Variants in CTIF observed in about 807,000 individuals in gnomAD.
The protein encoded by CTIF is CBP80/20-dependent translation initiation factor.
In CTIF, 21 loss-of-function variants were observed where a neutral mutation model predicts 66.0. That is an observed-to-expected ratio of 0.32 (90% confidence interval 0.23 to 0.46). The LOEUF is 0.46. Among genes scored for constraint, CTIF ranks in the 20% least tolerant of loss-of-function variants. The pLI is 1.00. For synonymous variants in CTIF, 345 were observed against 326.4 expected (o/e 1.06, Z -0.62); for missense variants, 739 against 812.7 (o/e 0.91, Z 1.10).
chr18:48,556,252 A>G (rs1343511991), intron 1 of CTIF, among the ~76,000 whole-genome samples: 1 of 152,226 alleles, frequency 6.6e-6, no homozygotes, highest in Non-Finnish European at 1.5e-5. Context: ...AGGTGGGGGC[A>G]TCACTGTGGA....
At chr18:48,544,211 G>A (rs936971773) in intron 1 of CTIF, among the ~76,000 whole-genome samples, 7 of 152,320 alleles carry the variant, frequency 4.6e-5, no homozygotes, top group East Asian at 3.9e-4. Context: ...ACTTTAATAC[G>A]CTGCACTTGA....
chr18:48,681,411 C>T (rs916995953), intron 6 of CTIF, among the ~76,000 whole-genome samples: 3 of 151,820 alleles, frequency 2.0e-5, no homozygotes, highest in African/African-American at 7.3e-5. Flanking sequence ...GAGTGGGGCC[C>T]CCAGCTGGAT....
intron 7 of CTIF, among the ~76,000 whole-genome samples, chr18:48,717,406 T>A (rs1282719802): frequency 9.0e-5 from 10 of 110,708 alleles, no homozygotes; most frequent in Non-Finnish European, 1.6e-4. Flanking sequence ...CTTTAAAAAA[T>A]AAATAAATAA....
At chr18:48,757,817 A>G (rs772652260) in intron 7 of CTIF, 102 bp from the exon 8 acceptor site, 1 of 1,432,394 alleles carries the variant, frequency 7.0e-7, no homozygotes, top group South Asian at 1.3e-5. Flanking sequence ...AAGAATGAAT[A>G]TATGGACAAG....
At chr18:48,794,160 G>A (rs2067856629) in intron 9 of CTIF, among the ~76,000 whole-genome samples, 1 of 152,242 alleles carries the variant, frequency 6.6e-6, no homozygotes, top group Non-Finnish European at 1.5e-5. Flanking sequence ...CCCCATTCTA[G>A]CCCCCAGCTT....
chr18:48,561,168 G>T (rs574732519), intron 1 of CTIF, among the ~76,000 whole-genome samples: 1 of 150,542 alleles, frequency 6.6e-6, no homozygotes, highest in East Asian at 2.0e-4. Context: ...AACCTGGCGT[G>T]TGGAGGTTGC....
intron 3 of CTIF, among the ~76,000 whole-genome samples, chr18:48,651,393 A>G (rs2091153757): frequency 6.6e-6 from 1 of 152,238 alleles, no homozygotes; most frequent in South Asian, 2.1e-4. Context: ...CAAAAGAGAC[A>G]AAGAAGGCCA....
intron 9 of CTIF, among the ~76,000 whole-genome samples, chr18:48,776,560 C>T (rs1416617662): frequency 1.3e-5 from 2 of 152,262 alleles, no homozygotes; most frequent in Non-Finnish European, 1.5e-5. Context: ...CTAATGTCAC[C>T]GTCTGAGCCT....
chr18:48,717,613 A>C (rs112622477), intron 7 of CTIF, among the ~76,000 whole-genome samples: 1 of 152,060 alleles, frequency 6.6e-6, no homozygotes, highest in African/African-American at 2.4e-5. Context: ...GCACTCAATT[A>C]TATACTTTAA....
At chr18:48,635,007 T>A (rs1011265923) in intron 2 of CTIF, among the ~76,000 whole-genome samples, 9 of 152,248 alleles carry the variant, frequency 5.9e-5, no homozygotes, top group South Asian at 4.1e-4. Context: ...TTTACCTGTT[T>A]CTTTTAAAAA....
intron 1 of CTIF, among the ~76,000 whole-genome samples, chr18:48,580,813 C>T (rs925824915): frequency 3.3e-5 from 5 of 152,228 alleles, no homozygotes; most frequent in South Asian, 2.1e-4. Flanking sequence ...CCACTCCCAC[C>T]TCAAGGATTA....
At chr18:48,699,043 C>A (rs2092046755) in intron 6 of CTIF, among the ~76,000 whole-genome samples, 1 of 152,140 alleles carries the variant, frequency 6.6e-6, no homozygotes, top group African/African-American at 2.4e-5. Context: ...GCTGAGCTGC[C>A]CCTGCTGGTT....
chr18:48,837,124 C>T lies in CTIF; in HGVS notation c.1527+19748C>T, dbSNP rs1175123246. On this transcript the variant is annotated intron_variant, in intron 10 of 11. Coordinates refer to ENST00000256413, the MANE Select transcript of CTIF (RefSeq NM_014772.3). ...GGACCTCATCTTTCTCCTCCTGGCT[C>T]CCATCCAATGCCCAGGGGCTGGGGG... Among the ~76,000 whole-genome samples, 5 of 152,300 alleles carry T rather than the reference C, an allele frequency of 3.3e-5. No homozygotes were observed. The East Asian group carries it at 9.6e-4, about 29-fold the overall frequency.
intron 7 of CTIF, among the ~76,000 whole-genome samples, chr18:48,730,754 T>TTCCGTGGTG (rs2092449508): frequency 8.5e-6 from 1 of 117,520 alleles, no homozygotes; most frequent in African/African-American, 3.5e-5. Flanking sequence ...CCCCCGCAGC[T>TTCCGTGGTG]TGAGGGGCCC....
chr18:48,586,061 C>A (rs759896677), intron 1 of CTIF, among the ~76,000 whole-genome samples: 1 of 152,128 alleles, frequency 6.6e-6, no homozygotes, highest in Non-Finnish European at 1.5e-5. Context: ...GGGGTGGTGG[C>A]CTCTGCCCTC....
At chr18:48,812,624 T>C (rs1599093064) in intron 9 of CTIF, among the ~76,000 whole-genome samples, 1 of 152,068 alleles carries the variant, frequency 6.6e-6, no homozygotes, top group Non-Finnish European at 1.5e-5. Flanking sequence ...CATAGTGTTA[T>C]ATGCCTGTAG....
chr18:48,584,204 G>A (rs1177083616), intron 1 of CTIF, among the ~76,000 whole-genome samples: 3 of 152,144 alleles, frequency 2.0e-5, no homozygotes, highest in East Asian at 3.8e-4. Flanking sequence ...CACAAGCTGC[G>A]CGACTGTATA....
chr18:48,842,249 G>A (rs1217962691), intron 10 of CTIF, among the ~76,000 whole-genome samples: 3 of 152,178 alleles, frequency 2.0e-5, no homozygotes, highest in Non-Finnish European at 4.4e-5. Context: ...GGGGAGGTCA[G>A]GCCTCATGGG....
chr18:48,610,569 C>T (rs2090290164), intron 1 of CTIF, among the ~76,000 whole-genome samples: 2 of 152,210 alleles, frequency 1.3e-5, no homozygotes, highest in South Asian at 4.1e-4. Context: ...CTGTACCTTC[C>T]ACACTCCTGC....
Sources: allele counts gnomAD v4.1 joint callset (sites outside exome capture counted in the v4.1 genomes callset), GRCh38; gene constraint gnomAD v4.1.1; transcripts MANE v1.5; gene names NCBI Gene and HGNC (gene_info 2026-07-23, HGNC 2026-07-21).